Variants in ATP1B3 observed in about 807,000 individuals in gnomAD.
The protein encoded by ATP1B3 is ATPase Na+/K+ transporting subunit beta 3.
A neutral mutation model predicts 30.2 loss-of-function variants in ATP1B3; 10 were observed. The observed-to-expected ratio is 0.33, with a 90% CI of 0.20 to 0.56. The LOEUF is 0.56. Ranked by LOEUF, ATP1B3 falls within the 20% of genes least tolerant of loss-of-function variation. The pLI, the probability that ATP1B3 is intolerant of heterozygous loss-of-function variation, is 0.90. For synonymous variants in ATP1B3, 113 were observed against 117.0 expected (o/e 0.97, Z 0.22); for missense variants, 238 against 336.7 (o/e 0.71, Z 2.29).
chr3:141,897,836 A>G (rs1934096800), intron 1 of ATP1B3, among the ~76,000 whole-genome samples: 1 of 152,106 alleles, frequency 6.6e-6, no homozygotes. Context: ...CAGCCTCCTA[A>G]GTAGCTAGGA....
At chr3:141,914,495 G>A (rs942004629) in intron 4 of ATP1B3, among the ~76,000 whole-genome samples, 1 of 152,196 alleles carries the variant, frequency 6.6e-6, no homozygotes, top group African/African-American at 2.4e-5. Flanking sequence ...TGCAAAGGAA[G>A]ATGATACGGC....
intron 4 of ATP1B3, among the ~76,000 whole-genome samples, 187 bp downstream of exon 4, chr3:141,914,023 A>G (rs1441417139): frequency 6.6e-6 from 1 of 152,168 alleles, no homozygotes; most frequent in Admixed American, 6.5e-5. Flanking sequence ...TATGGCAAAA[A>G]AAAGAGGTTC....
At chr3:141,892,684 C>T (rs79390223) in intron 1 of ATP1B3, among the ~76,000 whole-genome samples, 15,866 of 141,852 alleles carry the variant, frequency 0.11, 1,081 homozygotes, top group Middle Eastern at 0.17. Context: ...AAACAGTTAT[C>T]GAATATAGAC....
intron 3 of ATP1B3, among the ~76,000 whole-genome samples, chr3:141,912,803 C>T (rs1414360153): frequency 6.6e-6 from 1 of 152,204 alleles, no homozygotes; most frequent in Non-Finnish European, 1.5e-5. Context: ...TCTCCTCCCT[C>T]TTCCCTCCCA....
chr3:141,882,052 G>A (rs1003686553), intron 1 of ATP1B3, among the ~76,000 whole-genome samples: 1 of 151,534 alleles, frequency 6.6e-6, no homozygotes, highest in Non-Finnish European at 1.5e-5. Context: ...GATGTAATTC[G>A]ATTTCTTTGA....
chr3:141,882,483 A>C (rs919793658), intron 1 of ATP1B3, among the ~76,000 whole-genome samples: 11 of 152,104 alleles, frequency 7.2e-5, no homozygotes, highest in African/African-American at 2.7e-4. Flanking sequence ...TGTCACCTTT[A>C]TGGTGACCAT....
At chr3:141,907,355 C>A in intron 3 of ATP1B3, 81 bp downstream of exon 3, 31 of 946,278 alleles carry the variant, frequency 3.3e-5, no homozygotes, top group Non-Finnish European at 4.4e-5. Flanking sequence ...CACGGTAGCT[C>A]ACGCCTGTAA....
At chr3:141,891,592 G>T (rs11926859) in intron 1 of ATP1B3, among the ~76,000 whole-genome samples, 35,335 of 151,880 alleles carry the variant, frequency 0.23, 4,274 homozygotes, top group African/African-American at 0.26. Flanking sequence ...TTTTGGTGTG[G>T]TTTTTCATTA....
intron 3 of ATP1B3, among the ~76,000 whole-genome samples, chr3:141,912,933 G>C (rs536840266): frequency 6.6e-6 from 1 of 152,076 alleles, no homozygotes; most frequent in Non-Finnish European, 1.5e-5. Flanking sequence ...CTTGTTTTCC[G>C]GATCCTTTCT....
intron 1 of ATP1B3, among the ~76,000 whole-genome samples, chr3:141,883,534 A>G (rs1035633260): frequency 6.6e-6 from 1 of 152,158 alleles, no homozygotes; most frequent in Non-Finnish European, 1.5e-5. Flanking sequence ...TTAAGACTCA[A>G]CAAAATAAAA....
At chr3:141,894,149 T>G (rs569809260) in intron 1 of ATP1B3, among the ~76,000 whole-genome samples, 1 of 152,266 alleles carries the variant, frequency 6.6e-6, no homozygotes, top group Non-Finnish European at 1.5e-5. Flanking sequence ...GGCACTGACC[T>G]TGAATGGAGC....
chr3:141,894,301 C>A (rs377330825), intron 1 of ATP1B3, among the ~76,000 whole-genome samples: 2 of 151,468 alleles, frequency 1.3e-5, no homozygotes, highest in African/African-American at 4.8e-5. Context: ...TCAGTAATAA[C>A]CTTAGCTTAC....
intron 1 of ATP1B3, among the ~76,000 whole-genome samples, chr3:141,895,891 C>A (rs1305532756): frequency 6.6e-6 from 1 of 152,146 alleles, no homozygotes; most frequent in African/African-American, 2.4e-5. Flanking sequence ...ATGGTACGGT[C>A]AGTCTTTAAA....
intron 3 of ATP1B3, among the ~76,000 whole-genome samples, chr3:141,909,504 A>G (rs1246176697): frequency 6.6e-6 from 1 of 152,236 alleles, no homozygotes; most frequent in Non-Finnish European, 1.5e-5. Flanking sequence ...GGAAAGCCTT[A>G]TGGAAAGGGA....
intron 1 of ATP1B3, among the ~76,000 whole-genome samples, chr3:141,899,419 C>A (rs992801505): frequency 2.0e-5 from 3 of 152,200 alleles, no homozygotes; most frequent in Admixed American, 1.3e-4. Context: ...CCCAATCTTT[C>A]TAGCATCTAG....
At chr3:141,902,790 C>T (rs774218569) in intron 1 of ATP1B3, 27 of 153,622 alleles carry the variant, frequency 1.8e-4, no homozygotes, top group Middle Eastern at 3.4e-3. Context: ...CACTTTTGCA[C>T]GAGCCCTGCC....
intron 3 of ATP1B3, among the ~76,000 whole-genome samples, chr3:141,908,507 C>T (rs1344627640): frequency 6.6e-6 from 1 of 152,172 alleles, no homozygotes; most frequent in African/African-American, 2.4e-5. Context: ...GCTCTAAAAT[C>T]CCAGACCTCT....
At chr3:141,894,955 T>G (rs1201680319) in intron 1 of ATP1B3, among the ~76,000 whole-genome samples, 1 of 152,180 alleles carries the variant, frequency 6.6e-6, no homozygotes, top group Non-Finnish European at 1.5e-5. Flanking sequence ...ATACCAGCAT[T>G]GCTACAGACA....
chr3:141,881,420 G>T (rs1255927861), intron 1 of ATP1B3, among the ~76,000 whole-genome samples: 1 of 152,116 alleles, frequency 6.6e-6, no homozygotes, highest in African/African-American at 2.4e-5. Flanking sequence ...TTGTTTGTGT[G>T]CCTTTTCTTT....
Sources: allele counts gnomAD v4.1 joint callset (sites outside exome capture counted in the v4.1 genomes callset), GRCh38; gene constraint gnomAD v4.1.1; transcripts MANE v1.5; gene names NCBI Gene and HGNC (gene_info 2026-07-23, HGNC 2026-07-21).